TENM3: variants seen among roughly 807,000 people sequenced by gnomAD.
TENM3 encodes the protein teneurin-3.
Under a neutral mutation model 255.1 loss-of-function variants are expected in TENM3, and 63 were observed. The ratio of observed to expected loss-of-function variants is 0.25; its 90% confidence interval spans 0.20 to 0.30. The LOEUF (loss-of-function observed/expected upper bound fraction) is 0.30, where lower values mean the gene tolerates loss of function less well. Among genes scored for constraint, TENM3 ranks in the 10% least tolerant of loss-of-function variants. The probability of loss-of-function intolerance (pLI) is 1.00; values close to 1 mark genes in which losing one functional copy is unlikely to be tolerated. For synonymous variants in TENM3, 1,306 were observed against 1,322.3 expected (o/e 0.99, Z 0.27); for missense variants, 2,929 against 3,461.1 (o/e 0.85, Z 3.86).
chr4:182,570,576 G>A (rs189858318), intron 3 of TENM3, among the ~76,000 whole-genome samples: 70 of 152,324 alleles, frequency 4.6e-4, no homozygotes, highest in African/African-American at 7.5e-4. Context: ...CCGGCCGGGC[G>A]TGGTGGCTCA....
the TENM3 span, among the ~76,000 whole-genome samples, chr4:181,742,511 T>C: frequency 0.91 from 139,059 of 152,086 alleles, 63,628 homozygotes; most frequent in East Asian, 0.94. Flanking sequence ...GACTTTCTGG[T>C]TCTCATGGGG....
the TENM3 span, among the ~76,000 whole-genome samples, chr4:181,720,931 A>C: frequency 6.6e-6 from 1 of 152,194 alleles, no homozygotes; most frequent in East Asian, 1.9e-4. Flanking sequence ...CAGTGGGATG[A>C]CCATGAAGTG....
chr4:182,765,817 A>C (rs1215340916), intron 22 of TENM3, among the ~76,000 whole-genome samples: 1 of 152,186 alleles, frequency 6.6e-6, no homozygotes, highest in Admixed American at 6.5e-5. Context: ...ATTCACAAGA[A>C]AATATGTGAT....
the TENM3 span, among the ~76,000 whole-genome samples, chr4:181,551,985 A>G: frequency 6.6e-6 from 1 of 151,702 alleles, no homozygotes; most frequent in Non-Finnish European, 1.5e-5. Context: ...CTTGGTTCAA[A>G]AGATTAGGCC....
the TENM3 span, among the ~76,000 whole-genome samples, chr4:181,713,085 C>G: frequency 6.6e-6 from 1 of 152,348 alleles, no homozygotes; most frequent in East Asian, 1.9e-4. Flanking sequence ...CAGAGTACCT[C>G]TCAGCCAACT....
chr4:182,065,454 G>A, the TENM3 span, among the ~76,000 whole-genome samples: 1 of 152,242 alleles, frequency 6.6e-6, no homozygotes, highest in Non-Finnish European at 1.5e-5. Context: ...CCAAGGGGGA[G>A]CACGCGCGTC....
intron 3 of TENM3, among the ~76,000 whole-genome samples, chr4:182,484,932 C>T (rs1734554490): frequency 1.3e-5 from 2 of 152,028 alleles, no homozygotes; most frequent in African/African-American, 4.8e-5. Context: ...ACAGATACTC[C>T]GTGTTTTAAG....
the TENM3 span, among the ~76,000 whole-genome samples, chr4:181,623,521 C>T: frequency 5.3e-5 from 8 of 152,266 alleles, no homozygotes; most frequent in East Asian, 1.5e-3. Flanking sequence ...GAAATTATTC[C>T]ATTATCAACT....
At chr4:182,458,838 G>A (rs188520326) in intron 3 of TENM3, among the ~76,000 whole-genome samples, 5 of 152,268 alleles carry the variant, frequency 3.3e-5, no homozygotes, top group Admixed American at 6.5e-5. Flanking sequence ...AAAAAGGAGT[G>A]TGCTTACTCA....
intron 3 of TENM3, among the ~76,000 whole-genome samples, chr4:182,508,151 A>G (rs759348876): frequency 1.3e-5 from 2 of 152,194 alleles, no homozygotes; most frequent in African/African-American, 4.8e-5. Flanking sequence ...TATAAGGATG[A>G]GACATACCAC....
At chr4:182,256,090 G>T (rs372091369) in intron 1 of TENM3, among the ~76,000 whole-genome samples, 6 of 152,268 alleles carry the variant, frequency 3.9e-5, no homozygotes, top group Non-Finnish European at 7.3e-5. Context: ...TTGGATGTAC[G>T]TATAGGTTCC....
chr4:181,532,217 A>T, the TENM3 span, among the ~76,000 whole-genome samples: 5 of 152,168 alleles, frequency 3.3e-5, no homozygotes, highest in Non-Finnish European at 7.3e-5. Flanking sequence ...CATCAAAAAC[A>T]TTACCCCTAA....
the TENM3 span, among the ~76,000 whole-genome samples, chr4:181,587,397 C>T: frequency 6.6e-6 from 1 of 152,188 alleles, no homozygotes; most frequent in African/African-American, 2.4e-5. Flanking sequence ...CCGCACTATC[C>T]TCTCTTTCTC....
intron 3 of TENM3, among the ~76,000 whole-genome samples, chr4:182,463,014 C>CA (rs748509514): frequency 2.0e-5 from 3 of 152,108 alleles, no homozygotes; most frequent in Non-Finnish European, 4.4e-5. Flanking sequence ...TGCAGTCATC[C>CA]TACACAACCC....
chr4:181,808,468 G>A, the TENM3 span, among the ~76,000 whole-genome samples: 593 of 152,220 alleles, frequency 3.9e-3, 5 homozygotes, highest in Middle Eastern at 0.01. Context: ...CATTCAGGTT[G>A]GGCAGCCTGG....
At chr4:182,385,599 T>C (rs1189966704) in intron 3 of TENM3, among the ~76,000 whole-genome samples, 2 of 152,212 alleles carry the variant, frequency 1.3e-5, no homozygotes, top group Non-Finnish European at 2.9e-5. Context: ...TTACTATTAC[T>C]CTATTCAGCA....
At chr4:181,959,151 A>G in the TENM3 span, among the ~76,000 whole-genome samples, 1 of 152,180 alleles carries the variant, frequency 6.6e-6, no homozygotes, top group Non-Finnish European at 1.5e-5. Flanking sequence ...TTGTTTGGTT[A>G]TGATACACTG....
intron 3 of TENM3, among the ~76,000 whole-genome samples, chr4:182,480,085 T>C (rs1044550356): frequency 6.6e-6 from 1 of 152,074 alleles, no homozygotes; most frequent in Admixed American, 6.5e-5. Context: ...AAAAATTGTA[T>C]CAACAGTATT....
chr4:182,778,019 A>G (rs531150974), intron 24 of TENM3, among the ~76,000 whole-genome samples: 24 of 152,258 alleles, frequency 1.6e-4, no homozygotes, highest in African/African-American at 5.5e-4. Context: ...TGTGATAGAG[A>G]TGTAAGGACG....
Sources: allele counts gnomAD v4.1 joint callset (sites outside exome capture counted in the v4.1 genomes callset), GRCh38; gene constraint gnomAD v4.1.1; transcripts MANE v1.5; gene names NCBI Gene and HGNC (gene_info 2026-07-23, HGNC 2026-07-21).